Variants in PRH1 observed in about 807,000 individuals in gnomAD.
PRH1 encodes the protein proline rich protein HaeIII subfamily 1.
Under a neutral mutation model 7.9 loss-of-function variants are expected in PRH1, and 7 were observed. The observed-to-expected ratio is 0.89, with a 90% CI of 0.50 to 1.67. The LOEUF is 1.67. Among genes scored for constraint, PRH1 ranks in the 40% most tolerant of loss-of-function variants. The pLI is 0.00. For missense variants in PRH1, 109 were observed against 223.6 expected (o/e 0.49, Z 3.27); for synonymous variants, 45 against 80.8 (o/e 0.56, Z 2.38).
chr12:10,907,655 G>C (rs1591666220), intron 2 of PRH1, among the ~76,000 whole-genome samples: 1 of 151,834 alleles, frequency 6.6e-6, no homozygotes, highest in Non-Finnish European at 1.5e-5. Flanking sequence ...GGCTGGAGGG[G>C]AGAGGGTAAA....
At chr12:11,045,094 G>T (rs1248728375) in intron 1 of PRH1, among the ~76,000 whole-genome samples, 1 of 151,994 alleles carries the variant, frequency 6.6e-6, no homozygotes, top group Non-Finnish European at 1.5e-5. Flanking sequence ...AGATAATATG[G>T]TACATATACA....
intron 1 of PRH1, among the ~76,000 whole-genome samples, chr12:11,026,420 T>C (rs1181704520): frequency 1.0e-5 from 1 of 98,630 alleles, no homozygotes; most frequent in Non-Finnish European, 2.3e-5. Flanking sequence ...TTACTACCTC[T>C]TCCTGAAAGT....
chr12:10,925,607 G>A (rs952809623), intron 2 of PRH1, among the ~76,000 whole-genome samples: 1 of 152,158 alleles, frequency 6.6e-6, no homozygotes, highest in African/African-American at 2.4e-5. Context: ...AGGCAAGGAG[G>A]AAAACAGGTG....
chr12:11,162,284 G>T (rs961104398), intron 1 of PRH1, among the ~76,000 whole-genome samples: 1 of 152,212 alleles, frequency 6.6e-6, no homozygotes, highest in African/African-American at 2.4e-5. Flanking sequence ...AGGAAGGTTT[G>T]TCACTGCTAT....
At chr12:11,104,241 C>T (rs1003920773) in intron 1 of PRH1, among the ~76,000 whole-genome samples, 5 of 150,788 alleles carry the variant, frequency 3.3e-5, no homozygotes. Flanking sequence ...CAGATACTCC[C>T]GATATATGTC....
At chr12:11,061,556 T>A (rs757304666) in intron 1 of PRH1, 2 of 1,614,124 alleles carry the variant, frequency 1.2e-6, no homozygotes, top group South Asian at 1.1e-5. Flanking sequence ...CAAACTGACA[T>A]GATTATGGAC....
chr12:10,968,463 C>A (rs999818882), intron 2 of PRH1, among the ~76,000 whole-genome samples: 7 of 152,240 alleles, frequency 4.6e-5, no homozygotes, highest in Non-Finnish European at 1.5e-5. Context: ...ACAAGGTAGA[C>A]TGCTAGCTAA....
At chr12:10,958,332 C>T (rs1329743735) in intron 2 of PRH1, among the ~76,000 whole-genome samples, 1 of 152,084 alleles carries the variant, frequency 6.6e-6, no homozygotes, top group Non-Finnish European at 1.5e-5. Flanking sequence ...CATGTTCTCA[C>T]TTATAAGTGG....
At chr12:11,149,200 G>T (rs1946979822) in intron 1 of PRH1, among the ~76,000 whole-genome samples, 1 of 151,864 alleles carries the variant, frequency 6.6e-6, no homozygotes, top group South Asian at 2.1e-4. Flanking sequence ...AGTCTTGCTA[G>T]CAGTCTATCA....
intron 2 of PRH1, chr12:10,937,947 C>G: frequency 4.5e-6 from 1 of 220,546 alleles, no homozygotes; most frequent in Non-Finnish European, 8.8e-6. Context: ...GTGTCACATA[C>G]ATACATACAC....
intron 2 of PRH1, among the ~76,000 whole-genome samples, chr12:10,892,770 C>T (rs1949593332): frequency 6.6e-6 from 1 of 152,214 alleles, no homozygotes; most frequent in African/African-American, 2.4e-5. Flanking sequence ...TTTCTATACT[C>T]TAATTTTTAA....
At position 10,938,083 on chromosome 12, in the gene PRH1, G is replaced by A. The variant is rs559557049; in HGVS notation, c.-59+35572C>T. 10 of 536,890 alleles carry A rather than the reference G, an allele frequency of 1.9e-5. No homozygotes were observed. The South Asian group carries it at 3.0e-4, about 16-fold the overall frequency. 33.3% of individuals were successfully genotyped at this position (536,890 alleles called of 1,614,324 possible). A position where few individuals can be genotyped will look rare whatever the true frequency, so the allele number is the denominator to read the frequency against. ...ATAGTATTCGCATTCTTCTCTGTAT[G>A]GTAATATACATACTTTCATATATCC... On this transcript the variant is annotated intron_variant, in intron 2 of 3. Transcript: ENST00000539853.
At chr12:11,044,421 A>T (rs908317655) in intron 1 of PRH1, among the ~76,000 whole-genome samples, 8 of 152,178 alleles carry the variant, frequency 5.3e-5, no homozygotes, top group Admixed American at 3.9e-4. Flanking sequence ...CAGGGAACCA[A>T]GTCAAAAATG....
chr12:10,950,184 C>T (rs1313157951), intron 2 of PRH1, among the ~76,000 whole-genome samples: 1 of 152,092 alleles, frequency 6.6e-6, no homozygotes, highest in Non-Finnish European at 1.5e-5. Context: ...GACTTCTCAA[C>T]TTGAGCTATT....
Position 11,133,147 on chromosome 12 carries a change from A to G in PRH1, n.40-11967T>C. 3.2e-6 allele frequency: 3 copies of G among 933,450 alleles called. 1 individual carries two copies. In the South Asian group the frequency reaches 6.4e-5, roughly 20 times the overall value. 57.8% of individuals were successfully genotyped at this position (933,450 alleles called of 1,614,324 possible). ...CACACACACACACACACACACATCT[A>G]TATATATGTACTTTTCTAGACTAAC... On this transcript the variant is annotated intron_variant and non_coding_transcript_variant, in intron 1 of 1. Coordinates refer to the PRH1 transcript ENST00000541175.
rs74479711 is a variant in PRH1 at position 11,083,249 on chromosome 12, G to C, written n.124-36061C>G. ...TAATTAAATTGGAAAGAAGAAAAAAGGTGTCTAGCAAAATACAGATGCTCA... is the reference window on the plus strand; with the variant it reads ...TAATTAAATTGGAAAGAAGAAAAAACGTGTCTAGCAAAATACAGATGCTCA... On this transcript the variant is annotated intron_variant and non_coding_transcript_variant, in intron 1 of 4. Transcript: ENST00000541977. Among the ~76,000 whole-genome samples, 11 of 75,988 alleles carry C rather than the reference G, an allele frequency of 1.4e-4. No homozygotes were observed. In the South Asian group the frequency reaches 4.9e-3, roughly 34 times the overall value. The allele number at this position is 75,988 out of a possible 152,430, so 49.9% of individuals were successfully genotyped here.
In PRH1 at chr12:11,031,296, C is replaced by T. The variant is rs370188504; in HGVS notation, c.-126+15724G>A. 77 of 1,613,758 alleles carry T rather than the reference C, an allele frequency of 4.8e-5. No individual in the cohort carries two copies. In the African/African-American group the frequency reaches 5.1e-4, roughly 11 times the overall value. On this transcript the variant is annotated intron_variant, in intron 1 of 3. Transcript: ENST00000539853. ...AAATTTCCAATAACAAATAGAACCA[C>T]TACCACACTGGAAAAAATGATGGGT... is the stretch of plus-strand genomic sequence containing the variant.
chr12:11,051,675 T>C (rs1943151100), upstream of PRH1, among the ~76,000 whole-genome samples: 1 of 152,226 alleles, frequency 6.6e-6, no homozygotes, highest in Non-Finnish European at 1.5e-5. Context: ...CTTTACCAAC[T>C]AGGTATGCAA....
At chr12:11,137,843 G>A (rs1213473785) in intron 1 of PRH1, among the ~76,000 whole-genome samples, 5 of 152,122 alleles carry the variant, frequency 3.3e-5, no homozygotes, top group African/African-American at 1.2e-4. Context: ...TGTGGATATA[G>A]ATAATGATAA....
Sources: gnomAD v4.1 joint callset for allele counts (sites outside exome capture counted in the v4.1 genomes callset) on GRCh38, gnomAD v4.1.1 for gene constraint, MANE v1.5 for transcripts, NCBI Gene and HGNC (gene_info 2026-07-23, HGNC 2026-07-21) for gene names.